The following TBC1D5 variants were observed in gnomAD, a reference collection of about 807,000 sequenced individuals.
TBC1D5 encodes TBC1 domain family member 5.
TBC1D5 carries 75 observed loss-of-function variants against 100.3 expected under a neutral mutation model. The ratio of observed to expected loss-of-function variants is 0.75; its 90% CI spans 0.62 to 0.91. The LOEUF is 0.91. Ranked by LOEUF, TBC1D5 falls within the 40% of genes least tolerant of loss-of-function variation. TBC1D5 has a pLI of 0.00. For missense variants in TBC1D5, 910 were observed against 942.4 expected, an observed-to-expected ratio of 0.97 and a Z score of 0.45; for synonymous variants, 323 against 325.6, an observed-to-expected ratio of 0.99 and a Z score of 0.09.
chr3:17,168,907 G>A (rs1310039924), intron 19 of TBC1D5, among the ~76,000 whole-genome samples: 1 of 152,126 alleles, frequency 6.6e-6, no homozygotes, highest in African/African-American at 2.4e-5. Context: ...CAGCTACTAG[G>A]GCTAATATAC....
At chr3:17,405,069 T>TCATA in intron 5 of TBC1D5, 108 bp from the exon 6 acceptor site, 1 of 534,612 alleles carries the variant, frequency 1.9e-6, no homozygotes, top group Middle Eastern at 5.1e-4. Context: ...GTCATGATAT[T>TCATA]TCATATTCAT....
chr3:17,421,901 T>C (rs375803076), intron 4 of TBC1D5, among the ~76,000 whole-genome samples: 5 of 152,074 alleles, frequency 3.3e-5, no homozygotes, highest in Non-Finnish European at 7.4e-5. Context: ...CTCAACAACA[T>C]ACAGGCAATA....
chr3:17,214,249 T>C, exon 18 of TBC1D5: 1 of 1,610,622 alleles, frequency 6.2e-7, no homozygotes, highest in Non-Finnish European at 8.5e-7. Context: ...AGCGAGAACG[T>C]GAGATGTTGC....
In TBC1D5 at chr3:17,422,357, T is replaced by G. The variant is rs2094230515; in HGVS notation, c.167+6093A>C. On this transcript the variant is annotated intron_variant, in intron 4 of 21. Coordinates refer to ENST00000253692, the Ensembl canonical transcript of TBC1D5. ...TAATTTTGTTTTTTGTTTTTTTGTT[T>G]TTTTTTTTCAGTAGAGACGGGGTTT... Among the ~76,000 whole-genome samples, 3 of 151,758 alleles carry G rather than the reference T, an allele frequency of 2.0e-5. No individual in the cohort carries two copies. The South Asian group carries it at 6.2e-4, about 32-fold the overall frequency.
chr3:17,423,065 G>A (rs1469746755), intron 4 of TBC1D5, among the ~76,000 whole-genome samples: 1 of 151,956 alleles, frequency 6.6e-6, no homozygotes, highest in Non-Finnish European at 1.5e-5. Flanking sequence ...TTGACTTGGT[G>A]AGCTATATAT....
At chr3:17,204,229 A>C (rs1347564611) in intron 18 of TBC1D5, among the ~76,000 whole-genome samples, 1 of 152,060 alleles carries the variant, frequency 6.6e-6, no homozygotes. Context: ...AACCATGCAG[A>C]CTCCGCAATC....
At chr3:17,211,691 C>T (rs1314727510) in intron 18 of TBC1D5, among the ~76,000 whole-genome samples, 1 of 152,222 alleles carries the variant, frequency 6.6e-6, no homozygotes, top group African/African-American at 2.4e-5. Flanking sequence ...TTAGTTGTCA[C>T]TTGTCATCTG....
chr3:17,474,807 G>A (rs1301765441), intron 3 of TBC1D5, among the ~76,000 whole-genome samples: 1 of 152,186 alleles, frequency 6.6e-6, no homozygotes, highest in East Asian at 1.9e-4. Flanking sequence ...GATATACATT[G>A]CCAAATGGAA....
At chr3:17,468,982 T>G (rs915927836) in intron 3 of TBC1D5, among the ~76,000 whole-genome samples, 1 of 152,162 alleles carries the variant, frequency 6.6e-6, no homozygotes, top group Non-Finnish European at 1.5e-5. Context: ...GAAGTGACTT[T>G]GAACCTGGAG....
chr3:17,174,736 G>A (rs1247539007), intron 19 of TBC1D5, among the ~76,000 whole-genome samples: 1 of 152,158 alleles, frequency 6.6e-6, no homozygotes, highest in African/African-American at 2.4e-5. Context: ...TGGGATTATA[G>A]GCGTGTGCTA....
At chr3:17,380,488 T>C (rs922820122) in intron 9 of TBC1D5, among the ~76,000 whole-genome samples, 2 of 152,166 alleles carry the variant, frequency 1.3e-5, no homozygotes, top group Non-Finnish European at 2.9e-5. Flanking sequence ...TAATCATGAA[T>C]TCAATATGCT....
intron 18 of TBC1D5, among the ~76,000 whole-genome samples, chr3:17,202,744 C>A (rs942306974): frequency 6.6e-6 from 1 of 152,122 alleles, no homozygotes; most frequent in Admixed American, 6.5e-5. Context: ...AGGGTGCAAC[C>A]CATAAACCTT....
At chr3:17,265,178 C>T (rs2078724725) in intron 15 of TBC1D5, among the ~76,000 whole-genome samples, 1 of 152,014 alleles carries the variant, frequency 6.6e-6, no homozygotes, top group Non-Finnish European at 1.5e-5. Flanking sequence ...AAGTGATTTC[C>T]TGCAGTATGT....
At chr3:17,417,686 T>G (rs1325963550) in intron 4 of TBC1D5, among the ~76,000 whole-genome samples, 1 of 152,130 alleles carries the variant, frequency 6.6e-6, no homozygotes, top group Non-Finnish European at 1.5e-5. Flanking sequence ...GCATGATTTA[T>G]AGTCCCTTGG....
At chr3:17,556,060 T>A (rs1327387698) in intron 2 of TBC1D5, among the ~76,000 whole-genome samples, 1 of 152,092 alleles carries the variant, frequency 6.6e-6, no homozygotes, top group Admixed American at 6.6e-5. Flanking sequence ...TCTCGCTCTG[T>A]CACCCAGGCA....
chr3:17,308,917 T>C (rs1016445388), intron 13 of TBC1D5, among the ~76,000 whole-genome samples: 1 of 152,068 alleles, frequency 6.6e-6, no homozygotes, highest in Non-Finnish European at 1.5e-5. Context: ...TTAAACTATT[T>C]ATATCTAATT....
intron 1 of TBC1D5, among the ~76,000 whole-genome samples, chr3:17,698,114 G>C (rs1292825299): frequency 6.6e-6 from 1 of 151,558 alleles, no homozygotes; most frequent in Non-Finnish European, 1.5e-5. Context: ...AACAAAGCTG[G>C]AGGCATCATG....
chr3:17,506,713 T>A (rs1225868445), intron 3 of TBC1D5, among the ~76,000 whole-genome samples: 1 of 152,078 alleles, frequency 6.6e-6, no homozygotes, highest in East Asian at 1.9e-4. Flanking sequence ...AGGTAACTAC[T>A]CATTCCTGTA....
In TBC1D5 at chr3:17,694,491, G is replaced by GT. The variant is rs1320427905; in HGVS notation, c.-101+44851dup. On this transcript the variant is annotated intron_variant, in intron 1 of 21. Coordinates refer to ENST00000253692, the Ensembl canonical transcript of TBC1D5. ...CCGATTTGATCAACTAGAAGAAAGG[G>GT]TATCAGTGATTGAAGATCAAATCAA... Among the ~76,000 whole-genome samples the GT allele has an allele frequency of 2.0e-5, 3 of 152,158 alleles. No homozygotes were observed. The East Asian group carries it at 5.8e-4, about 29-fold the overall frequency.
Sources: allele counts gnomAD v4.1 joint callset (sites outside exome capture counted in the v4.1 genomes callset), GRCh38; gene constraint gnomAD v4.1.1; transcripts MANE v1.5; gene names NCBI Gene and HGNC (gene_info 2026-07-23, HGNC 2026-07-21).